GALNT17: variants seen among roughly 807,000 people sequenced by gnomAD.
GALNT17 encodes UDP-GalNAc:polypeptide N-acetylgalactosaminyltransferase-like 3.
Under a neutral mutation model 63.7 loss-of-function variants are expected in GALNT17, and 29 were observed. That is an observed-to-expected ratio of 0.46 (90% CI 0.34 to 0.62). GALNT17 has a LOEUF of 0.62. Among genes scored for constraint, GALNT17 ranks in the 20% least tolerant of loss-of-function variants. The pLI is 0.01. For synonymous variants in GALNT17, 305 were observed against 318.3 expected (o/e 0.96, Z 0.45); for missense variants, 603 against 799.6 (o/e 0.75, Z 2.97).
chr7:71,680,525 T>TG, intron 9 of GALNT17, among the ~76,000 whole-genome samples: 1 of 36,080 alleles, frequency 2.8e-5, no homozygotes, highest in African/African-American at 7.0e-5. Flanking sequence ...CCTCTCTCCC[T>TG]TCCTCCCTCC....
intron 1 of GALNT17, among the ~76,000 whole-genome samples, chr7:71,262,771 C>T (rs1790409544): frequency 6.7e-6 from 1 of 150,070 alleles, no homozygotes; most frequent in South Asian, 2.1e-4. Context: ...ACCTCTGCCT[C>T]CTGGGCTCAA....
At chr7:71,460,798 G>T (rs1180795924) in intron 5 of GALNT17, among the ~76,000 whole-genome samples, 1 of 152,176 alleles carries the variant, frequency 6.6e-6, no homozygotes. Context: ...ACTTCTTGAT[G>T]TTGCCATGGC....
chr7:71,239,039 G>A (rs935738711), intron 1 of GALNT17, among the ~76,000 whole-genome samples: 1 of 152,150 alleles, frequency 6.6e-6, no homozygotes, highest in East Asian at 1.9e-4. Context: ...CTTGTCCCCA[G>A]TCAAGCCTAG....
At chr7:71,200,157 A>G (rs1789140072) in intron 1 of GALNT17, among the ~76,000 whole-genome samples, 1 of 152,182 alleles carries the variant, frequency 6.6e-6, no homozygotes, top group Non-Finnish European at 1.5e-5. Context: ...TGGTGATGAC[A>G]AGAAGGTTTC....
intron 1 of GALNT17, among the ~76,000 whole-genome samples, chr7:71,164,694 T>TG (rs1719321088): frequency 6.6e-6 from 1 of 152,150 alleles, no homozygotes; most frequent in South Asian, 2.1e-4. Flanking sequence ...GGTAACCTGG[T>TG]GAGTGTGTGT....
chr7:71,486,676 T>C (rs910165661), intron 5 of GALNT17, among the ~76,000 whole-genome samples: 10 of 150,716 alleles, frequency 6.6e-5, no homozygotes, highest in Non-Finnish European at 1.2e-4. Flanking sequence ...GGCAACATAG[T>C]GAGATCCCAT....
chr7:71,534,251 A>G (rs1006227118), intron 5 of GALNT17, among the ~76,000 whole-genome samples: 6 of 152,200 alleles, frequency 3.9e-5, no homozygotes, highest in Non-Finnish European at 7.4e-5. Context: ...GTCCTTCTTT[A>G]CATGGGGGTA....
chr7:71,224,311 C>T (rs555505661), intron 1 of GALNT17, among the ~76,000 whole-genome samples: 3 of 152,236 alleles, frequency 2.0e-5, no homozygotes, highest in Admixed American at 6.5e-5. Flanking sequence ...CCCAAAGTTT[C>T]GGGATTACAG....
At chr7:71,444,377 G>A (rs971271317) in intron 5 of GALNT17, among the ~76,000 whole-genome samples, 13 of 152,106 alleles carry the variant, frequency 8.5e-5, no homozygotes, top group Admixed American at 3.3e-4. Context: ...GCTAATGTAC[G>A]TGGCCTCCTG....
intron 1 of GALNT17, among the ~76,000 whole-genome samples, chr7:71,206,862 T>C (rs137987113): frequency 0.015 from 2,293 of 152,116 alleles, 85 homozygotes; most frequent in East Asian, 0.097. Flanking sequence ...TCCCAGCACT[T>C]TGGGAGGCCA....
At chr7:71,666,962 T>TG (rs992637343) in intron 7 of GALNT17, among the ~76,000 whole-genome samples, 2 of 152,348 alleles carry the variant, frequency 1.3e-5, no homozygotes, top group African/African-American at 4.8e-5. Flanking sequence ...TTCTCCTTCT[T>TG]GGGGTGATTG....
chr7:71,165,642 A>G (rs928912733), intron 1 of GALNT17, among the ~76,000 whole-genome samples: 13 of 152,238 alleles, frequency 8.5e-5, no homozygotes, highest in Admixed American at 2.0e-4. Context: ...CTACAATTCA[A>G]GATGAGTTTT....
Position 71,305,551 on chromosome 7 carries a change from T to C in GALNT17, c.239-29999T>C, listed in dbSNP as rs114468519. 3.1e-3 allele frequency among the ~76,000 whole-genome samples: 469 copies of C among 152,280 alleles called. 3 individuals carry two copies. Among genetic ancestry groups the C allele is most frequent in the African/African-American group, 0.011 (455 of 41,570 alleles). ...ATTTCATGGCGATGTCTTTGGTCTTTGTGTTGAAAGCAGGACCTCTGTAAG... is the reference window on the plus strand; with the variant it reads ...ATTTCATGGCGATGTCTTTGGTCTTCGTGTTGAAAGCAGGACCTCTGTAAG... On this transcript the variant is annotated intron_variant, in intron 1 of 10. Transcript: ENST00000333538.
At chr7:71,539,740 G>A (rs1410857074) in intron 5 of GALNT17, among the ~76,000 whole-genome samples, 53 of 84,382 alleles carry the variant, frequency 6.3e-4, no homozygotes, top group Admixed American at 4.7e-3. Flanking sequence ...TTTGAGGCAC[G>A]GTCTGGCTTT....
chr7:71,296,163 G>A (rs1203842039), intron 1 of GALNT17, among the ~76,000 whole-genome samples: 2 of 152,076 alleles, frequency 1.3e-5, no homozygotes, highest in Non-Finnish European at 2.9e-5. Context: ...ATCACCATTA[G>A]TAATTATCTT....
intron 5 of GALNT17, among the ~76,000 whole-genome samples, chr7:71,531,103 T>C (rs2116779854): frequency 6.6e-6 from 1 of 152,302 alleles, no homozygotes; most frequent in African/African-American, 2.4e-5. Context: ...TTTAAACCAT[T>C]TTATTGTGAT....
chr7:71,211,948 A>G lies in GALNT17; in HGVS notation c.238+78908A>G, dbSNP rs886269472. On this transcript the variant is annotated intron_variant, in intron 1 of 10. Coordinates refer to ENST00000333538, the MANE Select transcript of GALNT17 (RefSeq NM_022479.3). ...TAAAAGTTTGGAAAATTTGCAGCCTATGTGATAGAAAAGAAAAAACCCATT... is the reference window on the plus strand; with the variant it reads ...TAAAAGTTTGGAAAATTTGCAGCCTGTGTGATAGAAAAGAAAAAACCCATT... Among the ~76,000 whole-genome samples the G allele has an allele frequency of 7.2e-5, 11 of 152,320 alleles. No individual in the cohort carries two copies. The East Asian group carries it at 1.9e-3, about 27-fold the overall frequency.
At chr7:71,201,736 A>G (rs553530276) in intron 1 of GALNT17, among the ~76,000 whole-genome samples, 103 of 151,846 alleles carry the variant, frequency 6.8e-4, no homozygotes, top group Non-Finnish European at 1.1e-3. Flanking sequence ...GGTTCAAGCA[A>G]TTCGCCTCCC....
chr7:71,368,270 A>G (rs529875550), intron 2 of GALNT17, among the ~76,000 whole-genome samples: 2 of 152,196 alleles, frequency 1.3e-5, no homozygotes, highest in African/African-American at 4.8e-5. Context: ...TCTGAATTTT[A>G]TAAGGTGGCT....
Sources: allele counts gnomAD v4.1 joint callset (sites outside exome capture counted in the v4.1 genomes callset), GRCh38; gene constraint gnomAD v4.1.1; transcripts MANE v1.5; gene names NCBI Gene and HGNC (gene_info 2026-07-23, HGNC 2026-07-21).